The following SLC26A5 variants were observed in gnomAD, a reference collection of about 807,000 sequenced individuals.
SLC26A5 encodes solute carrier family 26 member 5, also known as prestin.
SLC26A5 carries 51 observed loss-of-function variants against 81.0 expected under a neutral mutation model. The ratio of observed to expected loss-of-function variants is 0.63; its 90% CI spans 0.50 to 0.80. SLC26A5 has a LOEUF of 0.80. Among genes scored for constraint, SLC26A5 ranks in the 30% least tolerant of loss-of-function variants. The pLI, the probability that SLC26A5 is intolerant of heterozygous loss-of-function variation, is 0.00. For synonymous variants in SLC26A5, 325 were observed against 332.8 expected (o/e 0.98, Z 0.25); for missense variants, 771 against 905.8 (o/e 0.85, Z 1.91).
intron 2 of SLC26A5, among the ~76,000 whole-genome samples, chr7:103,439,624 C>G (rs1027183448): frequency 1.3e-5 from 2 of 152,132 alleles, no homozygotes; most frequent in Admixed American, 6.5e-5. Flanking sequence ...ACATCTGCTT[C>G]CCAGGTTCAA....
intron 19 of SLC26A5, chr7:103,364,429 G>A: frequency 8.9e-7 from 1 of 1,121,862 alleles, no homozygotes; most frequent in Non-Finnish European, 1.3e-6. Flanking sequence ...CTTTTGTTGA[G>A]ACAGAGTCTC....
intron 2 of SLC26A5, among the ~76,000 whole-genome samples, chr7:103,436,028 A>G (rs998003933): frequency 1.6e-4 from 25 of 152,266 alleles, no homozygotes; most frequent in African/African-American, 5.8e-4. Context: ...GTATGGAGAA[A>G]GTTTTGAAAG....
In SLC26A5 at chr7:103,414,040, T is replaced by C. The variant is rs148748671; in HGVS notation, c.293-928A>G. Among the ~76,000 whole-genome samples, 843 of 152,230 alleles carry C rather than the reference T, an allele frequency of 5.5e-3. 6 individuals are homozygous for C. The highest frequency in any genetic ancestry group is 8.5e-3 in the Non-Finnish European group (575 of 68,010). ...TTTACTCTTGGTGTGGTACAGTCTA[T>C]GCAAATGTACAATGACAGGTAGCCA... is the stretch of plus-strand genomic sequence containing the variant. On this transcript the variant is annotated intron_variant, in intron 4 of 19. Transcript: ENST00000306312.
intron 2 of SLC26A5, among the ~76,000 whole-genome samples, chr7:103,438,780 C>G (rs1562814512): frequency 6.6e-6 from 1 of 152,090 alleles, no homozygotes; most frequent in African/African-American, 2.4e-5. Flanking sequence ...CTGTCCCTAC[C>G]CAGTCAATCT....
chr7:103,368,009 T>C (rs1264390282), intron 19 of SLC26A5: 1 of 1,613,820 alleles, frequency 6.2e-7, no homozygotes, highest in African/African-American at 1.3e-5. Context: ...TCATTAAGTC[T>C]TATGCCAAAT....
At chr7:103,353,785 T>C in intron 19 of SLC26A5, 2 of 727,246 alleles carry the variant, frequency 2.8e-6, no homozygotes, top group Non-Finnish European at 4.6e-6. Context: ...TGAATATGTA[T>C]CATCATAATC....
chr7:103,366,150 T>C, intron 19 of SLC26A5: 2 of 1,613,054 alleles, frequency 1.2e-6, no homozygotes, highest in East Asian at 2.2e-5. Flanking sequence ...TTGATGAAAT[T>C]GATGCTATTG....
At position 103,421,453 on chromosome 7, in the gene SLC26A5, G is replaced by C. The variant is rs1478103272; in HGVS notation, c.62C>G (p.Pro21Arg). ...AATQRYYVER[P>R]IFSHPVLQER... The stretch of plus-strand genomic sequence containing the variant: ...CTGGAGGACCGGATGACTAAAGATA[G>C]GCCTTTCCACATAGTACCTCTGGGT... The change falls in exon 3 of 20, where the codon CCT (proline) becomes CGT (arginine). Residue 21 changes from proline to arginine, a missense_variant. Transcript: ENST00000306312. The C allele has an allele frequency of 2.5e-6, 4 of 1,613,942 alleles. No individual in the cohort carries two copies. The highest frequency in any genetic ancestry group is 3.4e-6 in the Non-Finnish European group (4 of 1,179,882).
At chr7:103,436,035 A>G (rs889103002) in intron 2 of SLC26A5, among the ~76,000 whole-genome samples, 1 of 152,166 alleles carries the variant, frequency 6.6e-6, no homozygotes, top group Non-Finnish European at 1.5e-5. Context: ...GAAAGTTTTG[A>G]AAGTATTTAC....
At chr7:103,366,609 A>T (rs1820732031) in intron 19 of SLC26A5, among the ~76,000 whole-genome samples, 1 of 152,218 alleles carries the variant, frequency 6.6e-6, no homozygotes, top group African/African-American at 2.4e-5. Flanking sequence ...TGGGATGCTC[A>T]GTCTATATCT....
chr7:103,403,340 T>C (rs147040566), intron 8 of SLC26A5, among the ~76,000 whole-genome samples: 1 of 152,340 alleles, frequency 6.6e-6, no homozygotes, highest in African/African-American at 2.4e-5. Context: ...GAAGAATGAA[T>C]ATTCTGTTGA....
At chr7:103,421,245 A>G (rs2116724742) in intron 3 of SLC26A5, 118 bp downstream of exon 3, 3 of 1,148,028 alleles carry the variant, frequency 2.6e-6, no homozygotes, top group Admixed American at 4.0e-5. Context: ...GCAAACCATG[A>G]TGGCTCAGCA....
At position 103,391,735 on chromosome 7, in the gene SLC26A5, C is replaced by A; in HGVS notation, c.1120G>T (p.Glu374Ter). Residue 374 changes from glutamate (E) to a stop codon, truncating the protein, a stop_gained and splice_region_variant, in exon 11 of 20, where the codon GAG becomes TAG. Transcript: ENST00000306312. LOFTEE classifies it high-confidence loss of function. Reference sequence around the variant, plus strand: ...TTGCACAGTCCCAGGGCAATGAGCTCCTTTCCCATGTAGAAACAAAACACA... The same window carrying A: ...TTGCACAGTCCCAGGGCAATGAGCTACTTTCCCATGTAGAAACAAAACACA... Reference protein sequence around the residue: ...KHGYQVDGNQELIALGLCNSI... With the variant: ...KHGYQVDGNQ 7 of 1,612,810 alleles carry A rather than the reference C, an allele frequency of 4.3e-6. No homozygotes were observed. The highest frequency in any genetic ancestry group is 4.2e-6 in the Non-Finnish European group (5 of 1,179,192).
intron 19 of SLC26A5, chr7:103,362,296 T>C: frequency 7.2e-7 from 1 of 1,394,688 alleles, no homozygotes; most frequent in Non-Finnish European, 9.2e-7. Flanking sequence ...CCCACTGTTG[T>C]TTATTATGAA....
chr7:103,418,489 C>T (rs1472609105), intron 4 of SLC26A5, among the ~76,000 whole-genome samples: 2 of 152,134 alleles, frequency 1.3e-5, no homozygotes, highest in African/African-American at 2.4e-5. Context: ...GGGCCCTTAT[C>T]CGCTCCTCAC....
At position 103,434,383 on chromosome 7, in the gene SLC26A5, G is replaced by C. The variant is rs149369224; in HGVS notation, c.-54+8700C>G. ...TTCAGAAAGTTTTAGGAATCTCTGT[G>C]TATTCTTGACTTGGAAATTTTGTAA... On this transcript the variant is annotated intron_variant, in intron 2 of 19. Transcript: ENST00000306312. 4.3e-3 allele frequency among the ~76,000 whole-genome samples: 657 copies of C among 152,156 alleles called. 4 individuals are homozygous for C. Among genetic ancestry groups the C allele is most frequent in the Middle Eastern group, 6.8e-3 (2 of 294 alleles).
At chr7:103,362,312 T>A in intron 19 of SLC26A5, 1 of 1,378,596 alleles carries the variant, frequency 7.3e-7, no homozygotes, top group Non-Finnish European at 9.3e-7. Context: ...ATGAATGGCT[T>A]CAAATTTCAG....
intron 14 of SLC26A5, 80 bp downstream of exon 14, chr7:103,388,928 C>G (rs896442639): frequency 1.3e-5 from 14 of 1,038,724 alleles, no homozygotes; most frequent in Middle Eastern, 2.2e-4. Context: ...CTTCTACCAA[C>G]TTAAACTTTG....
At chr7:103,406,427 A>G (rs1423431790) in intron 8 of SLC26A5, among the ~76,000 whole-genome samples, 1 of 152,080 alleles carries the variant, frequency 6.6e-6, no homozygotes, top group Admixed American at 6.5e-5. Flanking sequence ...TCCCTTGGCT[A>G]AGGGAGGGAA....
Sources: allele counts gnomAD v4.1 joint callset (sites outside exome capture counted in the v4.1 genomes callset), GRCh38; gene constraint gnomAD v4.1.1; transcripts MANE v1.5; gene names NCBI Gene and HGNC (gene_info 2026-07-23, HGNC 2026-07-21).